The following CSNK2A2IP variants were observed in gnomAD, a reference collection of about 807,000 sequenced individuals.
CSNK2A2IP encodes the protein casein kinase II subunit alpha'-interacting protein.
chr3:88,448,459 T>G, the CSNK2A2IP span, among the ~76,000 whole-genome samples: 1 of 152,214 alleles, frequency 6.6e-6, no homozygotes, highest in Non-Finnish European at 1.5e-5. Flanking sequence ...AGTTTGCCTG[T>G]GGTTGCTCTA....
chr3:88,373,002 C>T, the CSNK2A2IP span, among the ~76,000 whole-genome samples: 3 of 151,502 alleles, frequency 2.0e-5, no homozygotes, highest in African/African-American at 7.2e-5. Flanking sequence ...TTGGATAGAA[C>T]TACAAGAAAT....
At chr3:88,382,829 TTTGA>T in the CSNK2A2IP span, 1 of 152,314 alleles carries the variant, frequency 6.6e-6, no homozygotes, top group East Asian at 1.9e-4. Context: ...AAAGTAAAAA[TTTGA>T]TTGCTGACTT....
At chr3:88,418,920 C>G in the CSNK2A2IP span, among the ~76,000 whole-genome samples, 26 of 152,290 alleles carry the variant, frequency 1.7e-4, no homozygotes, top group East Asian at 5.0e-3. Context: ...ACGTTACCAC[C>G]TGAGCTCTGC....
the CSNK2A2IP span, among the ~76,000 whole-genome samples, chr3:88,459,508 G>T: frequency 6.6e-6 from 1 of 151,908 alleles, no homozygotes; most frequent in Non-Finnish European, 1.5e-5. Flanking sequence ...TTTAATTTCT[G>T]CCTTTTCAAA....
At chr3:88,404,133 G>T in the CSNK2A2IP span, among the ~76,000 whole-genome samples, 1 of 151,988 alleles carries the variant, frequency 6.6e-6, no homozygotes, top group African/African-American at 2.4e-5. Flanking sequence ...AGGAGGGATG[G>T]TTTAGAATGT....
the CSNK2A2IP span, among the ~76,000 whole-genome samples, chr3:88,427,645 G>A: frequency 6.6e-6 from 1 of 152,290 alleles, no homozygotes; most frequent in Non-Finnish European, 1.5e-5. Context: ...GTACAGCTCA[G>A]GGCATTGCTT....
At chr3:88,416,818 G>A in the CSNK2A2IP span, among the ~76,000 whole-genome samples, 5 of 152,006 alleles carry the variant, frequency 3.3e-5, no homozygotes, top group African/African-American at 9.7e-5. Context: ...TGAAATAAAA[G>A]CACCTTTATG....
At chr3:88,409,651 C>T in the CSNK2A2IP span, among the ~76,000 whole-genome samples, 1 of 151,998 alleles carries the variant, frequency 6.6e-6, no homozygotes, top group Non-Finnish European at 1.5e-5. Flanking sequence ...CAAATTATAG[C>T]ACACATGCAC....
chr3:88,466,332 G>A, the CSNK2A2IP span: 7 of 1,231,728 alleles, frequency 5.7e-6, no homozygotes, highest in Non-Finnish European at 6.1e-6. Flanking sequence ...CTCAGTCAAT[G>A]TTTATGCTTG....
At chr3:88,351,037 C>A in the CSNK2A2IP span, among the ~76,000 whole-genome samples, 5 of 152,148 alleles carry the variant, frequency 3.3e-5, no homozygotes, top group African/African-American at 1.2e-4. Flanking sequence ...ATTCTGGATT[C>A]TCATCTGAGG....
the CSNK2A2IP span, among the ~76,000 whole-genome samples, chr3:88,419,389 G>A: frequency 2.0e-5 from 3 of 152,096 alleles, no homozygotes; most frequent in East Asian, 3.9e-4. Flanking sequence ...AATTTACTCA[G>A]GAGTATGGCC....
chr3:88,359,029 T>TA, the CSNK2A2IP span, among the ~76,000 whole-genome samples: 1 of 150,704 alleles, frequency 6.6e-6, no homozygotes, highest in Admixed American at 6.6e-5. Flanking sequence ...TAAGTACACT[T>TA]ACGCGTGCTC....
At chr3:88,351,302 G>A in the CSNK2A2IP span, among the ~76,000 whole-genome samples, 3 of 151,946 alleles carry the variant, frequency 2.0e-5, no homozygotes, top group Non-Finnish European at 4.4e-5. Flanking sequence ...ATACCAGAGA[G>A]GACTGCTACA....
At chr3:88,391,421 G>T in the CSNK2A2IP span, among the ~76,000 whole-genome samples, 1 of 152,094 alleles carries the variant, frequency 6.6e-6, no homozygotes. Flanking sequence ...TTTATTCATA[G>T]ATATTACAAT....
the CSNK2A2IP span, among the ~76,000 whole-genome samples, chr3:88,360,764 CAT>C: frequency 1.3e-5 from 2 of 152,022 alleles, no homozygotes; most frequent in Non-Finnish European, 2.9e-5. Context: ...TTCCTTTCTT[CAT>C]GTCTTTTGTT....
the CSNK2A2IP span, among the ~76,000 whole-genome samples, chr3:88,401,333 A>C: frequency 6.6e-6 from 1 of 152,114 alleles, no homozygotes; most frequent in East Asian, 1.9e-4. Context: ...TATTTAGATA[A>C]AATTATGACC....
the CSNK2A2IP span, among the ~76,000 whole-genome samples, chr3:88,367,869 G>A: frequency 6.6e-6 from 1 of 152,178 alleles, no homozygotes; most frequent in South Asian, 2.1e-4. Context: ...TAATGGTTAA[G>A]GGGATAGTAT....
chr3:88,342,709 T>TA, the CSNK2A2IP span, among the ~76,000 whole-genome samples: 701 of 148,022 alleles, frequency 4.7e-3, 3 homozygotes, highest in Middle Eastern at 0.014. Flanking sequence ...TGAGCAAGGT[T>TA]AAAAAAAAAA....
At chr3:88,434,740 AG>A in the CSNK2A2IP span, among the ~76,000 whole-genome samples, 2 of 152,156 alleles carry the variant, frequency 1.3e-5, no homozygotes, top group South Asian at 2.1e-4. Context: ...CAGAAAATGA[AG>A]CCACTCACAG....
Sources: allele counts gnomAD v4.1 joint callset (sites outside exome capture counted in the v4.1 genomes callset), GRCh38; gene constraint gnomAD v4.1.1; transcripts MANE v1.5; gene names NCBI Gene and HGNC (gene_info 2026-07-23, HGNC 2026-07-21).